Variants in DEPDC7 observed in about 807,000 individuals in gnomAD.
DEPDC7 encodes DEP domain containing 7.
In DEPDC7, 41 loss-of-function variants were observed where a neutral mutation model predicts 56.6. The observed-to-expected ratio is 0.72, with a 90% confidence interval of 0.56 to 0.94. The LOEUF is 0.94. Among genes scored for constraint, DEPDC7 ranks in the 40% least tolerant of loss-of-function variants. The pLI is 0.00. For synonymous variants in DEPDC7, 185 were observed against 208.8 expected, an observed-to-expected ratio of 0.89 and a Z score of 0.98; for missense variants, 522 against 596.3, an observed-to-expected ratio of 0.88 and a Z score of 1.30.
chr11:33,028,539 T>C (rs1590209325), intron 3 of DEPDC7, 64 bp from the exon 4 acceptor site: 9 of 1,356,256 alleles, frequency 6.6e-6, no homozygotes, highest in Admixed American at 2.6e-5. Flanking sequence ...CTTAGAAAAA[T>C]ATTATGGTGA....
intron 3 of DEPDC7, 31 bp downstream of exon 3, chr11:33,027,844 A>G (rs1161639613): frequency 1.3e-6 from 2 of 1,493,958 alleles, no homozygotes; most frequent in Admixed American, 6.0e-5. Flanking sequence ...AGTAAGAAGT[A>G]GAAGACAAAC....
chr11:33,023,836 T>C lies in DEPDC7; in HGVS notation c.74-1823T>C, dbSNP rs766004375. ...TTTGCCTAAAAAAGTAGGAAGATAA[T>C]TTCAAGTAGCAATTTCTTTAATTAT... On this transcript the variant is annotated intron_variant, in intron 1 of 8. Coordinates refer to ENST00000241051, the MANE Select transcript of DEPDC7 (RefSeq NM_001077242.2). 4.9e-4 allele frequency among the ~76,000 whole-genome samples: 74 copies of C among 152,262 alleles called. 1 individual carries two copies. Among genetic ancestry groups the C allele is most frequent in the Non-Finnish European group, 8.4e-4 (57 of 68,052 alleles).
intron 1 of DEPDC7, among the ~76,000 whole-genome samples, chr11:33,019,659 C>G (rs1328396798): frequency 1.3e-5 from 2 of 151,982 alleles, no homozygotes; most frequent in African/African-American, 2.4e-5. Flanking sequence ...AAGTGAGACT[C>G]TGTCTCAAAA....
intron 1 of DEPDC7, among the ~76,000 whole-genome samples, chr11:33,024,572 A>G (rs1328545987): frequency 3.9e-5 from 6 of 152,272 alleles, no homozygotes; most frequent in South Asian, 4.1e-4. Context: ...ATAGCCTGCT[A>G]CACACCTAGG....
chr11:33,029,946 G>A (rs972093235), intron 4 of DEPDC7, among the ~76,000 whole-genome samples: 1 of 152,118 alleles, frequency 6.6e-6, no homozygotes, highest in African/African-American at 2.4e-5. Context: ...AGGAACATGT[G>A]AAACATTGTG....
Position 33,015,922 on chromosome 11 carries a change from T to G in DEPDC7, c.-34T>G. ...TCAGGGAGCTAGGGAGCTGTGAAGC[T>G]GCTGGAGGAGTTGGCGTCCGGGGAG... On this transcript the variant is annotated 5_prime_UTR_variant, in exon 1 of 9. Transcript: ENST00000241051. 1 of 1,550,352 alleles carries G rather than the reference T, an allele frequency of 6.5e-7. No homozygotes were observed. Among genetic ancestry groups the G allele is most frequent in the Non-Finnish European group, 8.7e-7 (1 of 1,147,398 alleles).
chr11:33,027,281 T>G (rs941961986), intron 2 of DEPDC7, among the ~76,000 whole-genome samples: 2 of 152,172 alleles, frequency 1.3e-5, no homozygotes. Context: ...AATAAACCTT[T>G]GATTTTCAAA....
At chr11:33,028,237 G>C (rs1564965114) in intron 3 of DEPDC7, 2 of 204,530 alleles carry the variant, frequency 9.8e-6, no homozygotes, top group East Asian at 2.4e-4. Context: ...CCCCATTCCA[G>C]TTGTGGAAAC....
At chr11:33,031,801 G>C (rs1853635936) in intron 5 of DEPDC7, among the ~76,000 whole-genome samples, 1 of 152,186 alleles carries the variant, frequency 6.6e-6, no homozygotes, top group South Asian at 2.1e-4. Flanking sequence ...GGTTACCCAG[G>C]AGTATAATGC....
chr11:33,028,389 T>C (rs1210231634), intron 3 of DEPDC7: 2 of 430,206 alleles, frequency 4.6e-6, no homozygotes, highest in East Asian at 7.1e-5. Context: ...GTACAAAGAA[T>C]GAAAAGAATT....
chr11:33,027,802 T>C lies in DEPDC7; in HGVS notation c.581T>C (p.Leu194Ser), dbSNP rs763328718. ...NSPHVNISAT[L>S]SPQVINEVWQ... is the part of the protein sequence containing the mutation. Reference sequence around the variant, plus strand: ...CCTCATGTAAATATCTCTGCAACCTTGTCTCCACAAGGTAAGCTAAGGATG... The same window carrying C: ...CCTCATGTAAATATCTCTGCAACCTCGTCTCCACAAGGTAAGCTAAGGATG... The change falls in exon 3 of 9, where the codon TTG (leucine) becomes TCG (serine). Residue 194 changes from leucine to serine, a missense_variant. Physicochemically the swap from Leu to Ser is moderately radical, Grantham distance 145 (BLOSUM62 -2). Coordinates refer to ENST00000241051, the MANE Select transcript of DEPDC7 (RefSeq NM_001077242.2). The C allele has an allele frequency of 1.9e-6, 3 of 1,563,150 alleles. No homozygotes were observed. The South Asian group carries it at 3.7e-5, about 19-fold the overall frequency.
At position 33,025,825 on chromosome 11, in the gene DEPDC7, T is replaced by G; in HGVS notation, c.240T>G (p.Ile80Met). 1 of 1,614,152 alleles carries G rather than the reference T, an allele frequency of 6.2e-7. No individual in the cohort carries two copies. The highest frequency in any genetic ancestry group is 8.5e-7 in the Non-Finnish European group (1 of 1,180,026). ...EAVDVIFSHL[I>M]QNKYFGDVDI... ...TGGATGTCATTTTTTCTCACCTAAT[T>G]CAGAATAAGTATTTTGGTGATGTAG... The change falls in exon 2 of 9, where the codon ATT becomes ATG. Residue 80 changes from isoleucine (I) to methionine (M), a missense_variant. Ile to Met is a conservative substitution (Grantham distance 10). Transcript: ENST00000241051.
intron 1 of DEPDC7, among the ~76,000 whole-genome samples, chr11:33,018,134 C>A (rs1853483011): frequency 6.6e-6 from 1 of 152,202 alleles, no homozygotes; most frequent in Non-Finnish European, 1.5e-5. Context: ...AGCATGACGC[C>A]TCTAATGCCA....
In DEPDC7 at chr11:33,021,409, C is replaced by A. The variant is rs376416540; in HGVS notation, c.74-4250C>A. On this transcript the variant is annotated intron_variant, in intron 1 of 8. Transcript: ENST00000241051. ...CTGATTGCAAGACTTAAAAAACATTCATTGTCTATTTTTGGTCTCTTAAAT... is the reference window on the plus strand; with the variant it reads ...CTGATTGCAAGACTTAAAAAACATTAATTGTCTATTTTTGGTCTCTTAAAT... 2.0e-5 allele frequency among the ~76,000 whole-genome samples: 3 copies of A among 152,110 alleles called. No homozygotes were observed. In the East Asian group the frequency reaches 5.8e-4, roughly 29 times the overall value.
chr11:33,025,824 T>C lies in DEPDC7; in HGVS notation c.239T>C (p.Ile80Thr). Residue 80 changes from isoleucine (I) to threonine (T), a missense_variant, in exon 2 of 9, where the codon ATT (isoleucine) becomes ACT (threonine). Physicochemically the swap from Ile to Thr is moderately conservative, Grantham distance 89 (BLOSUM62 -1). Coordinates refer to ENST00000241051, the MANE Select transcript of DEPDC7 (RefSeq NM_001077242.2). ...EAVDVIFSHL[I>T]QNKYFGDVDI... ...GTGGATGTCATTTTTTCTCACCTAATTCAGAATAAGTATTTTGGTGATGTA... is the reference window on the plus strand; with the variant it reads ...GTGGATGTCATTTTTTCTCACCTAACTCAGAATAAGTATTTTGGTGATGTA... The C allele has an allele frequency of 6.2e-7, 1 of 1,614,186 alleles. No homozygotes were observed. Among genetic ancestry groups the C allele is most frequent in the Non-Finnish European group, 8.5e-7 (1 of 1,180,018 alleles).
At position 33,033,249 on chromosome 11, in the gene DEPDC7, TTTAAAC is replaced by T. The variant is rs756590717; in HGVS notation, c.1343-10_1343-5del. Reference sequence around the variant, plus strand: ...TGAGTCATTAACTGAACTTTTTACTTTTAAACTTTAAGGATATATTTATTGCCAGAG... The same window carrying T: ...TGAGTCATTAACTGAACTTTTTACTTTTTAAGGATATATTTATTGCCAGAG... On this transcript the variant is annotated splice_region_variant and splice_polypyrimidine_tract_variant and intron_variant, in intron 8 of 8. Transcript: ENST00000241051. 3.9e-6 allele frequency: 6 copies of T among 1,556,856 alleles called. No individual in the cohort carries two copies. The highest frequency in any genetic ancestry group is 5.2e-6 in the Non-Finnish European group (6 of 1,153,086).
intron 2 of DEPDC7, among the ~76,000 whole-genome samples, 175 bp from the exon 3 acceptor site, chr11:33,027,511 G>C (rs2133664275): frequency 6.6e-6 from 1 of 152,328 alleles, no homozygotes. Flanking sequence ...AACAGAATAT[G>C]TTTATGCTTG....
intron 2 of DEPDC7, chr11:33,026,345 CAG>C: frequency 2.9e-6 from 1 of 342,008 alleles, no homozygotes; most frequent in Non-Finnish European, 5.5e-6. Context: ...CGAAGGCAGG[CAG>C]AGAGAAACCC....
At chr11:33,024,372 G>A (rs893970247) in intron 1 of DEPDC7, among the ~76,000 whole-genome samples, 1 of 152,138 alleles carries the variant, frequency 6.6e-6, no homozygotes, top group African/African-American at 2.4e-5. Flanking sequence ...TCATAAGCCT[G>A]CATAATAGGA....
Sources: allele counts gnomAD v4.1 joint callset (sites outside exome capture counted in the v4.1 genomes callset), GRCh38; gene constraint gnomAD v4.1.1; transcripts MANE v1.5; gene names NCBI Gene and HGNC (gene_info 2026-07-23, HGNC 2026-07-21).